ULK4: variants seen among roughly 807,000 people sequenced by gnomAD.
ULK4 encodes unc-51 like kinase 4, also known as inactive serine/threonine-protein kinase ULK4.
Under a neutral mutation model 160.6 loss-of-function variants are expected in ULK4, and 133 were observed. That is an observed-to-expected ratio of 0.83 (90% CI 0.72 to 0.96). The LOEUF (loss-of-function observed/expected upper bound fraction) is 0.96, where lower values mean the gene tolerates loss of function less well. Ranked by LOEUF, ULK4 falls within the 40% of genes least tolerant of loss-of-function variation. The pLI, the probability that ULK4 is intolerant of heterozygous loss-of-function variation, is 0.00. For synonymous variants in ULK4, 534 were observed against 539.8 expected, an observed-to-expected ratio of 0.99 and a Z score of 0.15; for missense variants, 1,580 against 1,499.5, an observed-to-expected ratio of 1.05 and a Z score of -0.89.
intron 22 of ULK4, among the ~76,000 whole-genome samples, chr3:41,742,148 TA>T (rs1191934025): frequency 6.7e-6 from 1 of 149,542 alleles, no homozygotes; most frequent in African/African-American, 2.6e-5. Context: ...TTTTATCTTC[TA>T]CCTTAACCCA....
chr3:41,856,733 C>T (rs1208811806), intron 17 of ULK4, among the ~76,000 whole-genome samples: 1 of 150,312 alleles, frequency 6.7e-6, no homozygotes, highest in African/African-American at 2.4e-5. Context: ...TGGTGAAACC[C>T]CATTTCTACA....
intron 32 of ULK4, among the ~76,000 whole-genome samples, chr3:41,529,262 A>T (rs2125938688): frequency 6.6e-6 from 1 of 152,264 alleles, no homozygotes; most frequent in East Asian, 1.9e-4. Flanking sequence ...AACGAGAAAA[A>T]TTTCTAAAAG....
intron 17 of ULK4, among the ~76,000 whole-genome samples, chr3:41,851,784 A>C (rs548523858): frequency 6.6e-6 from 1 of 152,248 alleles, no homozygotes; most frequent in East Asian, 1.9e-4. Context: ...AATGCCCACA[A>C]GAGAAAGCAG....
intron 35 of ULK4, among the ~76,000 whole-genome samples, chr3:41,355,753 C>A (rs1575462461): frequency 6.6e-6 from 1 of 152,124 alleles, no homozygotes; most frequent in African/African-American, 2.4e-5. Flanking sequence ...ACAGATTAGA[C>A]TTGTTATAAA....
Position 41,246,744 on chromosome 3 carries a change from T to C in ULK4, c.*185A>G, listed in dbSNP as rs1575348089. The C allele has an allele frequency of 4.9e-6, 3 of 610,226 alleles. No homozygotes were observed. In the East Asian group the frequency reaches 8.6e-5, roughly 17 times the overall value. The allele number at this position is 610,226 out of a possible 1,614,324, so 37.8% of individuals were successfully genotyped here. A position where few individuals can be genotyped will look rare whatever the true frequency, so the allele number is the denominator to read the frequency against. On this transcript the variant is annotated 3_prime_UTR_variant, in exon 37 of 37. Coordinates refer to ENST00000301831, the MANE Select transcript of ULK4 (RefSeq NM_017886.4). Reference sequence around the variant, plus strand: ...TTCCACAGGAACCAAGGAAGTCCATTCTGAGTCAGTTTTCTAGGCCCTGGG... The same window carrying C: ...TTCCACAGGAACCAAGGAAGTCCATCCTGAGTCAGTTTTCTAGGCCCTGGG...
intron 27 of ULK4, among the ~76,000 whole-genome samples, chr3:41,690,247 C>G (rs966458740): frequency 2.0e-5 from 3 of 150,772 alleles, no homozygotes; most frequent in African/African-American, 7.3e-5. Flanking sequence ...ACAATGAGAA[C>G]ACATGGACAC....
At chr3:41,813,393 C>G (rs1396930262) in intron 19 of ULK4, among the ~76,000 whole-genome samples, 1 of 151,954 alleles carries the variant, frequency 6.6e-6, no homozygotes, top group East Asian at 1.9e-4. Flanking sequence ...ATTTTCTGAA[C>G]TATAGTTTAT....
At chr3:41,884,994 C>T (rs1697669576) in intron 16 of ULK4, among the ~76,000 whole-genome samples, 1 of 152,140 alleles carries the variant, frequency 6.6e-6, no homozygotes, top group Admixed American at 6.5e-5. Context: ...CTAGCTGGGA[C>T]TGTAGGCATG....
At chr3:41,739,312 T>G (rs2038161675) in intron 22 of ULK4, among the ~76,000 whole-genome samples, 2 of 151,876 alleles carry the variant, frequency 1.3e-5, no homozygotes, top group South Asian at 4.1e-4. Flanking sequence ...GATTAAGAAT[T>G]GTTTATGACC....
chr3:41,927,396 C>A (rs1253014636), intron 5 of ULK4, among the ~76,000 whole-genome samples: 1 of 152,084 alleles, frequency 6.6e-6, no homozygotes, highest in African/African-American at 2.4e-5. Flanking sequence ...CAAAAACATA[C>A]CAAATTGTAA....
intron 35 of ULK4, among the ~76,000 whole-genome samples, chr3:41,377,403 C>T (rs1333923468): frequency 6.6e-6 from 1 of 150,806 alleles, no homozygotes; most frequent in Admixed American, 6.6e-5. Context: ...AGCTTCTGCA[C>T]AGCAAAAGAA....
intron 22 of ULK4, among the ~76,000 whole-genome samples, chr3:41,736,063 T>A (rs1255260559): frequency 6.6e-6 from 1 of 151,762 alleles, no homozygotes; most frequent in Admixed American, 6.6e-5. Context: ...GGTGTATATG[T>A]GCCACATTTT....
At chr3:41,248,819 T>C (rs1382620786) in intron 36 of ULK4, among the ~76,000 whole-genome samples, 1 of 152,210 alleles carries the variant, frequency 6.6e-6, no homozygotes, top group Non-Finnish European at 1.5e-5. Context: ...GCCAGCTCCT[T>C]CTGCTTTTAC....
chr3:41,568,583 A>T lies in ULK4; in HGVS notation c.3121-2453T>A, dbSNP rs568808377. On this transcript the variant is annotated intron_variant, in intron 31 of 36. Coordinates refer to ENST00000301831, the MANE Select transcript of ULK4 (RefSeq NM_017886.4). ...GTTTCTAGGAGATCTGGCAGAACTC[A>T]CTCATACAAGCAACTAGCTAGCCTC... 3.3e-5 allele frequency among the ~76,000 whole-genome samples: 5 copies of T among 152,284 alleles called. 1 individual carries two copies. The highest frequency in any genetic ancestry group is 1.2e-4 in the African/African-American group (5 of 41,556).
At chr3:41,692,149 C>T (rs2036325722) in intron 27 of ULK4, among the ~76,000 whole-genome samples, 1 of 151,380 alleles carries the variant, frequency 6.6e-6, no homozygotes, top group Non-Finnish European at 1.5e-5. Context: ...GACGGAGTTT[C>T]ACCGTGTTAG....
At chr3:41,766,494 T>C (rs1219848985) in intron 21 of ULK4, 3 of 152,250 alleles carry the variant, frequency 2.0e-5, no homozygotes, top group African/African-American at 4.8e-5. Flanking sequence ...TTTCACCTCA[T>C]ACCAATCCCA....
intron 35 of ULK4, among the ~76,000 whole-genome samples, chr3:41,323,174 TG>T (rs761005802): frequency 1.3e-5 from 2 of 151,794 alleles, no homozygotes; most frequent in Non-Finnish European, 2.9e-5. Context: ...CGACCTCAGG[TG>T]ATCTGCCCGC....
intron 22 of ULK4, among the ~76,000 whole-genome samples, chr3:41,735,624 T>C (rs1482776205): frequency 6.6e-6 from 1 of 151,940 alleles, no homozygotes; most frequent in East Asian, 1.9e-4. Flanking sequence ...TGAGGGTATA[T>C]GCTATTTACA....
chr3:41,928,992 T>G (rs577823627), intron 5 of ULK4, among the ~76,000 whole-genome samples: 2 of 152,110 alleles, frequency 1.3e-5, no homozygotes, highest in East Asian at 3.9e-4. Context: ...ACTCATTTTA[T>G]GAGGCCAGCA....
Sources: allele counts gnomAD v4.1 joint callset (sites outside exome capture counted in the v4.1 genomes callset), GRCh38; gene constraint gnomAD v4.1.1; transcripts MANE v1.5; gene names NCBI Gene and HGNC (gene_info 2026-07-23, HGNC 2026-07-21).